The following GPR137B variants were observed in gnomAD, a reference collection of about 807,000 sequenced individuals.
GPR137B encodes the protein integral membrane protein GPR137B.
Under a neutral mutation model 42.5 loss-of-function variants are expected in GPR137B, and 42 were observed. That is an observed-to-expected ratio of 0.99 (90% CI 0.77 to 1.28). GPR137B has a LOEUF of 1.28. Ranked by LOEUF, GPR137B falls within the 50% of genes most tolerant of loss-of-function variation. The pLI is 0.00. For missense variants in GPR137B, 487 were observed against 493.9 expected, an observed-to-expected ratio of 0.99 and a Z score of 0.13; for synonymous variants, 218 against 209.7, an observed-to-expected ratio of 1.04 and a Z score of -0.34.
At chr1:236,157,185 G>A (rs2102895734) in intron 1 of GPR137B, among the ~76,000 whole-genome samples, 1 of 151,800 alleles carries the variant, frequency 6.6e-6, no homozygotes, top group Non-Finnish European at 1.5e-5. Flanking sequence ...AATTGGTAGA[G>A]CCAGGATTCA....
rs1662005452 is a variant in GPR137B at position 236,155,759 on chromosome 1, A to G, written c.414+12723A>G. ...TGCCCGGAGAGCTGAGCTGCTGGGA[A>G]CAGGAAGGAGAAGAGGAGCTGTTGG... On this transcript the variant is annotated intron_variant, in intron 1 of 6. Transcript: ENST00000366592. The surrounding 1 kb of genome is among the most constrained non-coding windows in gnomAD (Gnocchi z 4.6). Among the ~76,000 whole-genome samples the G allele has an allele frequency of 6.6e-6, 1 of 152,120 alleles. No homozygotes were observed. Among genetic ancestry groups the G allele is most frequent in the Admixed American group, 6.5e-5 (1 of 15,278 alleles).
In GPR137B at chr1:236,142,868, C is replaced by T. The variant is rs1251121914; in HGVS notation, c.246C>T (p.Leu82=). Residue 82 remains leucine, a synonymous_variant, in exon 1 of 7, where the codon CTC becomes CTT. Transcript: ENST00000366592. The part of the protein sequence containing the change: ...HKRLSYQSVF[L]FLCLFWASLR... Reference sequence around the variant, plus strand: ...GGCTCAGCTACCAGAGCGTCTTCCTCTTTCTCTGCCTCTTCTGGGCCTCCC... The same window carrying T: ...GGCTCAGCTACCAGAGCGTCTTCCTTTTTCTCTGCCTCTTCTGGGCCTCCC... 3 of 1,614,130 alleles carry T rather than the reference C, an allele frequency of 1.9e-6. No individual in the cohort carries two copies. Among genetic ancestry groups the T allele is most frequent in the Non-Finnish European group, 8.5e-7 (1 of 1,180,050 alleles).
intron 1 of GPR137B, among the ~76,000 whole-genome samples, chr1:236,154,025 G>C (rs2102893462): frequency 6.6e-6 from 1 of 152,228 alleles, no homozygotes; most frequent in East Asian, 1.9e-4. Context: ...CCTGCTCCTA[G>C]GGCCCCTTCC....
At chr1:236,190,704 C>G (rs918683378) in intron 5 of GPR137B, among the ~76,000 whole-genome samples, 4 of 152,192 alleles carry the variant, frequency 2.6e-5, no homozygotes, top group African/African-American at 9.7e-5. Context: ...GACAGCTGCT[C>G]TTTGTCTGAT....
At chr1:236,159,492 C>T (rs540194345) in intron 1 of GPR137B, among the ~76,000 whole-genome samples, 13 of 151,912 alleles carry the variant, frequency 8.6e-5, no homozygotes, top group African/African-American at 2.2e-4. Context: ...TGTGAAACCC[C>T]GTCTCTTTTT....
At chr1:236,194,830 A>G (rs1470027601) in intron 5 of GPR137B, among the ~76,000 whole-genome samples, 1 of 152,158 alleles carries the variant, frequency 6.6e-6, no homozygotes, top group Non-Finnish European at 1.5e-5. Flanking sequence ...ACAGGATGAA[A>G]TGATTATAGA....
At chr1:236,177,591 C>CT (rs1475141993) in intron 2 of GPR137B, among the ~76,000 whole-genome samples, 1 of 151,782 alleles carries the variant, frequency 6.6e-6, no homozygotes, top group Admixed American at 6.6e-5. Context: ...GAGCCTCGCT[C>CT]TGTGCCCCAG....
At chr1:236,205,870 G>A (rs1019829156) in intron 6 of GPR137B, among the ~76,000 whole-genome samples, 1 of 152,198 alleles carries the variant, frequency 6.6e-6, no homozygotes, top group African/African-American at 2.4e-5. Flanking sequence ...AATGCCGAGC[G>A]AGCCTGTAAT....
intron 2 of GPR137B, among the ~76,000 whole-genome samples, chr1:236,170,706 T>G (rs1407540897): frequency 6.6e-6 from 1 of 152,164 alleles, no homozygotes; most frequent in African/African-American, 2.4e-5. Context: ...CCGGGCACGG[T>G]GGCTCACTCC....
chr1:236,151,306 A>G (rs7521553), intron 1 of GPR137B, among the ~76,000 whole-genome samples: 1 of 152,068 alleles, frequency 6.6e-6, no homozygotes, highest in African/African-American at 2.4e-5. Flanking sequence ...ATTAACCTAT[A>G]AGGACAGATG....
intron 5 of GPR137B, among the ~76,000 whole-genome samples, chr1:236,199,429 T>C (rs1424452625): frequency 6.6e-6 from 1 of 152,206 alleles, no homozygotes; most frequent in Non-Finnish European, 1.5e-5. Flanking sequence ...GGATTCCCTC[T>C]TTCACTATCT....
At chr1:236,189,826 G>C (rs1663136775) in intron 5 of GPR137B, among the ~76,000 whole-genome samples, 1 of 152,170 alleles carries the variant, frequency 6.6e-6, no homozygotes, top group Non-Finnish European at 1.5e-5. Flanking sequence ...TGTCTGCTAG[G>C]TCCGCTTGGT....
At chr1:236,175,967 C>T (rs1301599184) in intron 2 of GPR137B, among the ~76,000 whole-genome samples, 1 of 152,114 alleles carries the variant, frequency 6.6e-6, no homozygotes, top group Admixed American at 6.5e-5. Context: ...CACAGTGTTC[C>T]ATAGTGCAAG....
chr1:236,184,142 G>A (rs1662957099), intron 5 of GPR137B, among the ~76,000 whole-genome samples: 1 of 152,178 alleles, frequency 6.6e-6, no homozygotes, highest in Non-Finnish European at 1.5e-5. Flanking sequence ...TGCATCTTAA[G>A]GCCTGGGGAA....
intron 6 of GPR137B, 103 bp downstream of exon 6, chr1:236,205,353 G>A (rs1471215219): frequency 3.2e-6 from 3 of 934,394 alleles, no homozygotes; most frequent in Non-Finnish European, 3.3e-6. Flanking sequence ...AAACTGTGCA[G>A]CCTTAGGTGG....
intron 1 of GPR137B, among the ~76,000 whole-genome samples, chr1:236,158,404 A>G (rs1662094270): frequency 6.6e-6 from 1 of 152,264 alleles, no homozygotes; most frequent in Non-Finnish European, 1.5e-5. Context: ...AGCCTAGGCA[A>G]CAAAAGTGAA....
chr1:236,165,724 G>T (rs1013218638), intron 1 of GPR137B, among the ~76,000 whole-genome samples: 1 of 152,216 alleles, frequency 6.6e-6, no homozygotes, highest in Admixed American at 6.5e-5. Flanking sequence ...GCTGTATACC[G>T]TATGTTTCTC....
chr1:236,183,657 AAT>A, intron 4 of GPR137B, 119 bp from the exon 5 acceptor site: 1 of 627,116 alleles, frequency 1.6e-6, no homozygotes. Flanking sequence ...TACATTCTAA[AAT>A]ATAGGGGAAT....
chr1:236,164,914 G>C (rs1426414113), intron 1 of GPR137B, among the ~76,000 whole-genome samples: 1 of 150,504 alleles, frequency 6.6e-6, no homozygotes, highest in Admixed American at 6.6e-5. Context: ...GAGAGAGAGA[G>C]AGAGAGATGG....
Sources: allele counts gnomAD v4.1 joint callset (sites outside exome capture counted in the v4.1 genomes callset), GRCh38; gene constraint gnomAD v4.1.1; non-coding constraint Gnocchi (gnomAD v3.1); transcripts MANE v1.5; gene names NCBI Gene and HGNC (gene_info 2026-07-23, HGNC 2026-07-21).